Variants in THSD4 observed in about 807,000 individuals in gnomAD.
THSD4 encodes thrombospondin type 1 domain containing 4, also known as thrombospondin type-1 domain-containing protein 4.
Under a neutral mutation model 119.0 loss-of-function variants are expected in THSD4, and 69 were observed. That is an observed-to-expected ratio of 0.58 (90% CI 0.48 to 0.71). The LOEUF is 0.71. THSD4 is among the 30% of genes least tolerant of loss of function. THSD4 has a pLI of 0.00. For synonymous variants in THSD4, 524 were observed against 540.4 expected (o/e 0.97, Z 0.42); for missense variants, 1,393 against 1,391.1 (o/e 1.00, Z -0.02).
chr15:71,759,600 C>G (rs2141198554), intron 15 of THSD4, among the ~76,000 whole-genome samples: 1 of 152,222 alleles, frequency 6.6e-6, no homozygotes, highest in East Asian at 1.9e-4. Flanking sequence ...GACCTAAACC[C>G]CAAAGATAAT....
At chr15:71,688,855 T>C (rs1462155141) in intron 8 of THSD4, among the ~76,000 whole-genome samples, 1 of 152,146 alleles carries the variant, frequency 6.6e-6, no homozygotes, top group Admixed American at 6.5e-5. Context: ...AGTGTTTTTT[T>C]CTTTTTCAAT....
chr15:71,728,417 A>C (rs1267758226), intron 8 of THSD4, 132 bp from the exon 9 acceptor site: 1 of 1,123,212 alleles, frequency 8.9e-7, no homozygotes, highest in Non-Finnish European at 1.3e-6. Flanking sequence ...CAGGGCCTGG[A>C]TCATTGCCTG....
chr15:71,491,840 G>A (rs1204122730), intron 7 of THSD4, among the ~76,000 whole-genome samples: 1 of 152,044 alleles, frequency 6.6e-6, no homozygotes, highest in Non-Finnish European at 1.5e-5. Context: ...CTGCATTCCA[G>A]CCTGGTTGAC....
At chr15:71,511,725 A>G (rs770167263) in intron 7 of THSD4, among the ~76,000 whole-genome samples, 2 of 152,186 alleles carry the variant, frequency 1.3e-5, no homozygotes, top group Non-Finnish European at 2.9e-5. Flanking sequence ...ATTTTATACA[A>G]TTATAATGAG....
intron 5 of THSD4, among the ~76,000 whole-genome samples, chr15:71,254,450 G>A (rs1271144468): frequency 6.6e-6 from 1 of 152,216 alleles, no homozygotes; most frequent in African/African-American, 2.4e-5. Context: ...CTTCATCGCT[G>A]CTGCACAGGT....
At chr15:71,370,665 G>A (rs7177589) in intron 6 of THSD4, among the ~76,000 whole-genome samples, 39,439 of 151,884 alleles carry the variant, frequency 0.26, 5,621 homozygotes, top group East Asian at 0.54. Flanking sequence ...TATAATTTCT[G>A]TTCTTTTACA....
At chr15:71,277,620 A>G (rs2044607776) in intron 6 of THSD4, among the ~76,000 whole-genome samples, 1 of 152,192 alleles carries the variant, frequency 6.6e-6, no homozygotes, top group Non-Finnish European at 1.5e-5. Context: ...ATGTAGGGAT[A>G]TATTTTTCTT....
chr15:71,412,251 T>A (rs1874054519), intron 7 of THSD4, among the ~76,000 whole-genome samples: 1 of 152,186 alleles, frequency 6.6e-6, no homozygotes, highest in African/African-American at 2.4e-5. Flanking sequence ...GGGGCAGGCT[T>A]CCAAAGGAAA....
intron 3 of THSD4, among the ~76,000 whole-genome samples, chr15:71,192,934 T>C (rs1263269860): frequency 3.9e-5 from 6 of 152,190 alleles, no homozygotes; most frequent in Non-Finnish European, 7.3e-5. Flanking sequence ...GAATCGTTTT[T>C]CTTCCTACGT....
chr15:71,520,001 T>TA (rs772965479), intron 7 of THSD4, among the ~76,000 whole-genome samples: 2 of 152,206 alleles, frequency 1.3e-5, no homozygotes, highest in Non-Finnish European at 2.9e-5. Flanking sequence ...AGCTAGTTTT[T>TA]ATTGAACATG....
At chr15:71,342,188 C>A in intron 6 of THSD4, 1 of 184,186 alleles carries the variant, frequency 5.4e-6, no homozygotes, top group Non-Finnish European at 1.1e-5. Flanking sequence ...TCTACTAAAT[C>A]CCATTTATTT....
chr15:71,305,351 A>G (rs1242459032), intron 6 of THSD4, among the ~76,000 whole-genome samples: 1 of 152,216 alleles, frequency 6.6e-6, no homozygotes, highest in African/African-American at 2.4e-5. Flanking sequence ...TTCAATTATC[A>G]TCAAACCCCA....
chr15:71,508,951 T>TTTC (rs1555421809), intron 7 of THSD4, among the ~76,000 whole-genome samples: 27 of 151,092 alleles, frequency 1.8e-4, no homozygotes, highest in African/African-American at 6.3e-4. Flanking sequence ...TTTTTTTTTT[T>TTTC]CAAAAAAGGA....
intron 7 of THSD4, among the ~76,000 whole-genome samples, chr15:71,614,783 C>T (rs955793008): frequency 3.3e-5 from 5 of 151,996 alleles, no homozygotes; most frequent in African/African-American, 4.8e-5. Flanking sequence ...AGAGCAGCAA[C>T]GGAATACAAG....
At chr15:71,668,916 T>C (rs1215122913) in intron 8 of THSD4, among the ~76,000 whole-genome samples, 1 of 152,218 alleles carries the variant, frequency 6.6e-6, no homozygotes, top group Non-Finnish European at 1.5e-5. Flanking sequence ...CTGAGCAAAT[T>C]CTTGGAGAAG....
intron 10 of THSD4, among the ~76,000 whole-genome samples, chr15:71,734,433 A>G (rs1160168226): frequency 1.3e-5 from 2 of 152,200 alleles, no homozygotes; most frequent in Admixed American, 6.5e-5. Flanking sequence ...ACTATATGAC[A>G]TTCTAGAAAA....
intron 6 of THSD4, among the ~76,000 whole-genome samples, chr15:71,343,245 T>C (rs1459241253): frequency 2.0e-5 from 3 of 152,178 alleles, no homozygotes; most frequent in African/African-American, 7.2e-5. Context: ...GATAGATGGA[T>C]ATATTAGATA....
intron 7 of THSD4, among the ~76,000 whole-genome samples, chr15:71,651,724 A>G (rs2051094158): frequency 1.3e-5 from 2 of 152,174 alleles, no homozygotes; most frequent in South Asian, 4.1e-4. Flanking sequence ...CTTGCACATA[A>G]GAGCACAGTA....
At chr15:71,097,708 G>GTA (rs199991097) in intron 1 of THSD4, among the ~76,000 whole-genome samples, 1,603 of 138,168 alleles carry the variant, frequency 0.012, 21 homozygotes, top group African/African-American at 0.028. Context: ...ACAGAAAGAT[G>GTA]TATATATATA....
Sources: gnomAD v4.1 joint callset for allele counts (sites outside exome capture counted in the v4.1 genomes callset) on GRCh38, gnomAD v4.1.1 for gene constraint, MANE v1.5 for transcripts, NCBI Gene and HGNC (gene_info 2026-07-23, HGNC 2026-07-21) for gene names.